The following CLIC5 variants were observed in gnomAD, a reference collection of about 807,000 sequenced individuals.
CLIC5 encodes the protein chloride intracellular channel protein 5.
A neutral mutation model predicts 24.7 loss-of-function variants in CLIC5; 20 were observed. That is an observed-to-expected ratio of 0.81 (90% confidence interval 0.57 to 1.18). The LOEUF (loss-of-function observed/expected upper bound fraction) is 1.18, where lower values mean the gene tolerates loss of function less well. Ranked by LOEUF, CLIC5 falls within the 50% of genes most tolerant of loss-of-function variation. The pLI is 0.00. For synonymous variants in CLIC5, 159 were observed against 135.6 expected (o/e 1.17, Z -1.20); for missense variants, 341 against 326.1 (o/e 1.05, Z -0.35).
At chr6:45,886,150 G>A (rs142138415) in intron 6 of CLIC5, among the ~76,000 whole-genome samples, 3 of 152,168 alleles carry the variant, frequency 2.0e-5, no homozygotes, top group East Asian at 1.9e-4. Context: ...TTCAGAATAC[G>A]TCATGAAATG....
At chr6:45,893,162 C>A (rs1278792485) in intron 6 of CLIC5, among the ~76,000 whole-genome samples, 1 of 150,864 alleles carries the variant, frequency 6.6e-6, no homozygotes, top group East Asian at 1.9e-4. Context: ...TCACCTTTCT[C>A]CTAGTTTTTG....
upstream of CLIC5, among the ~76,000 whole-genome samples, chr6:46,018,080 G>A (rs982640400): frequency 6.6e-6 from 1 of 152,184 alleles, no homozygotes; most frequent in Non-Finnish European, 1.5e-5. Context: ...TTTAGGGAAG[G>A]ACCAAGGTTA....
chr6:45,926,563 C>T (rs1390892357), intron 4 of CLIC5, among the ~76,000 whole-genome samples: 2 of 152,002 alleles, frequency 1.3e-5, no homozygotes, highest in South Asian at 2.1e-4. Context: ...GCCAGAGAAA[C>T]GTATTTTATT....
Position 45,993,617 on chromosome 6 carries a change from TACAA to T in CLIC5, c.63+21859_63+21862del, listed in dbSNP as rs533459420. On this transcript the variant is annotated intron_variant, in intron 1 of 5. Transcript: ENST00000339561. ...TTGCTACTCTGAGTAACTGTAGCAC[TACAA>T]AAACACAGCATCATTCAATCACATT... Among the ~76,000 whole-genome samples the T allele has an allele frequency of 7.2e-5, 11 of 152,320 alleles. No individual in the cohort carries two copies. The East Asian group carries it at 1.9e-3, about 27-fold the overall frequency.
intron 1 of CLIC5, among the ~76,000 whole-genome samples, chr6:46,024,759 C>G (rs1027124983): frequency 6.6e-6 from 1 of 152,088 alleles, no homozygotes; most frequent in Non-Finnish European, 1.5e-5. Context: ...AAGAGGTGGT[C>G]TATATGATAG....
At chr6:46,071,979 C>A (rs1762611010) in intron 1 of CLIC5, among the ~76,000 whole-genome samples, 1 of 152,010 alleles carries the variant, frequency 6.6e-6, no homozygotes, top group Non-Finnish European at 1.5e-5. Context: ...CAAACTAATG[C>A]AGGAACAGAA....
chr6:46,073,761 T>C (rs996134942), intron 1 of CLIC5, among the ~76,000 whole-genome samples: 1 of 152,222 alleles, frequency 6.6e-6, no homozygotes, highest in African/African-American at 2.4e-5. Context: ...CTCAACCAAA[T>C]GGACCTTGCC....
intron 5 of CLIC5, 21 bp from the exon 6 acceptor site, chr6:45,903,276 C>T: frequency 1.3e-6 from 2 of 1,562,616 alleles, no homozygotes; most frequent in Non-Finnish European, 1.7e-6. Context: ...GATGGCAGGA[C>T]AGAGGTGGTG....
At chr6:46,071,959 TTA>T (rs1200877399) in intron 1 of CLIC5, among the ~76,000 whole-genome samples, 2 of 152,062 alleles carry the variant, frequency 1.3e-5, no homozygotes, top group East Asian at 3.9e-4. Context: ...CTGGAGGCCA[TTA>T]TCCTTAGCAA....
At chr6:45,947,447 A>G (rs770600260) in intron 3 of CLIC5, among the ~76,000 whole-genome samples, 3 of 151,336 alleles carry the variant, frequency 2.0e-5, no homozygotes, top group Admixed American at 6.6e-5. Context: ...GCACATCACT[A>G]GCAGACTAGG....
At position 45,956,470 on chromosome 6, in the gene CLIC5, GTT is replaced by G. The variant is rs35101536; in HGVS notation, c.64-1228_64-1227del. On this transcript the variant is annotated intron_variant, in intron 1 of 5. Transcript: ENST00000339561. ...ATATCCAGGAATGGGGGCTTACTGA[GTT>G]TTTTTTTTTTTTTTTTCAAAAGAAA... Among the ~76,000 whole-genome samples the G allele has an allele frequency of 6.1e-3, 824 of 135,412 alleles. 7 individuals are homozygous for G. Among genetic ancestry groups the G allele is most frequent in the African/African-American group, 0.018 (652 of 36,750 alleles). The allele number at this position is 135,412 out of a possible 152,430, so 88.8% of individuals were successfully genotyped here.
chr6:45,973,162 A>G (rs1250286852), intron 1 of CLIC5, among the ~76,000 whole-genome samples: 1 of 152,200 alleles, frequency 6.6e-6, no homozygotes, highest in African/African-American at 2.4e-5. Context: ...AACAGGCCCC[A>G]TCCTGCACCC....
the CLIC5 span, among the ~76,000 whole-genome samples, chr6:46,122,380 A>C: frequency 6.6e-6 from 1 of 152,364 alleles, no homozygotes; most frequent in East Asian, 1.9e-4. Flanking sequence ...CTTTGAAACC[A>C]ATGAGAACAA....
intron 1 of CLIC5, among the ~76,000 whole-genome samples, chr6:46,076,949 C>T (rs901502772): frequency 2.0e-5 from 3 of 152,000 alleles, no homozygotes; most frequent in African/African-American, 4.8e-5. Flanking sequence ...CCATCCTGAA[C>T]AACATAGTGA....
chr6:45,923,116 A>G (rs1405607651), intron 4 of CLIC5, among the ~76,000 whole-genome samples: 1 of 152,260 alleles, frequency 6.6e-6, no homozygotes, highest in African/African-American at 2.4e-5. Context: ...TCGTGCTAAT[A>G]GAAAGTACGG....
intron 2 of CLIC5, among the ~76,000 whole-genome samples, chr6:45,949,936 T>C (rs1764412964): frequency 6.6e-6 from 1 of 152,246 alleles, no homozygotes; most frequent in Non-Finnish European, 1.5e-5. Flanking sequence ...CAGCCTTTTG[T>C]CACACTCAAC....
At chr6:46,037,357 GA>G (rs1040487384) in intron 1 of CLIC5, among the ~76,000 whole-genome samples, 90 of 152,302 alleles carry the variant, frequency 5.9e-4, no homozygotes, top group African/African-American at 2.0e-3. Context: ...AGGGCTGAGA[GA>G]GGGGGCCAAA....
intron 3 of CLIC5, 23 bp from the exon 4 acceptor site, chr6:45,941,676 C>T (rs754406481): frequency 2.1e-5 from 33 of 1,563,096 alleles, no homozygotes; most frequent in Admixed American, 6.7e-5. Context: ...ATGCAGTGTT[C>T]TGTGAATCAG....
At chr6:46,005,820 A>G (rs1245144995) in intron 1 of CLIC5, among the ~76,000 whole-genome samples, 5 of 151,624 alleles carry the variant, frequency 3.3e-5, no homozygotes, top group African/African-American at 7.3e-5. Flanking sequence ...GACAGCTATG[A>G]ACCACATTGT....
Sources: gnomAD v4.1 joint callset for allele counts (sites outside exome capture counted in the v4.1 genomes callset) on GRCh38, gnomAD v4.1.1 for gene constraint, MANE v1.5 for transcripts, NCBI Gene and HGNC (gene_info 2026-07-23, HGNC 2026-07-21) for gene names.